The following VMAC variants were observed in gnomAD, a reference collection of about 807,000 sequenced individuals.
VMAC encodes the protein vimentin-type intermediate filament-associated coiled-coil protein.
Under a neutral mutation model 4.8 loss-of-function variants are expected in VMAC, and 8 were observed. That is an observed-to-expected ratio of 1.68 (90% confidence interval 0.99 to 3.03). The LOEUF (loss-of-function observed/expected upper bound fraction) is 3.03, where lower values mean the gene tolerates loss of function less well. Among genes scored for constraint, VMAC ranks in the 30% most tolerant of loss-of-function variants. The pLI, the probability that VMAC is intolerant of heterozygous loss-of-function variation, is 0.00. For synonymous variants in VMAC, 96 were observed against 113.7 expected, an observed-to-expected ratio of 0.84 and a Z score of 0.99; for missense variants, 248 against 245.1, an observed-to-expected ratio of 1.01 and a Z score of -0.08.
At position 5,909,454 on chromosome 19, in the gene VMAC, CTT is replaced by C. The variant is rs1439140659; in HGVS notation, c.*314_*315del. On this transcript the variant is annotated 3_prime_UTR_variant, in exon 2 of 2. Coordinates refer to ENST00000339485, the MANE Select transcript of VMAC (RefSeq NM_001017921.4). ...GCTTGCCTGGAGTTCAGGGCACCCT[CTT>C]TAGCCAGGGTGTGAGTTTCTGTTTT... 1 of 324,050 alleles carries C rather than the reference CTT, an allele frequency of 3.1e-6. No individual in the cohort carries two copies. Among genetic ancestry groups the C allele is most frequent in the African/African-American group, 2.2e-5 (1 of 45,284 alleles). The allele number at this position is 324,050 out of a possible 1,614,324, so 20.1% of individuals were successfully genotyped here.
intron 1 of VMAC, among the ~76,000 whole-genome samples, chr19:5,906,171 T>C (rs993557180): frequency 7.2e-5 from 11 of 151,890 alleles, no homozygotes; most frequent in African/African-American, 1.7e-4. Flanking sequence ...GGTCAGACTA[T>C]GTTGCCTAGG....
At chr19:5,906,033 G>A (rs2057677901) in intron 1 of VMAC, among the ~76,000 whole-genome samples, 1 of 151,938 alleles carries the variant, frequency 6.6e-6, no homozygotes, top group African/African-American at 2.4e-5. Context: ...TGCCCAGGCT[G>A]GAATGCAGTG....
Position 5,909,987 on chromosome 19 carries a change from C to T in VMAC, c.*845C>T, listed in dbSNP as rs1191988880. 1 of 112,308 alleles carries T rather than the reference C, an allele frequency of 8.9e-6. No homozygotes were observed. Among genetic ancestry groups the T allele is most frequent in the Non-Finnish European group, 1.9e-5 (1 of 53,080 alleles). The allele number at this position is 112,308 out of a possible 1,614,324, so 7.0% of individuals were successfully genotyped here. A position where few individuals can be genotyped will look rare whatever the true frequency, so the allele number is the denominator to read the frequency against. ...CACCCTGGCCTGGTCGGCAGCCATT[C>T]CCCTACCTCCTCACTCAGGAACTGT... On this transcript the variant is annotated 3_prime_UTR_variant, in exon 2 of 2. Coordinates refer to ENST00000339485, the MANE Select transcript of VMAC (RefSeq NM_001017921.4).
rs938760479 is a variant in VMAC, at chr19:5,908,765, G to T, written c.192-59G>T. 6.3e-6 allele frequency: 10 copies of T among 1,582,286 alleles called. No homozygotes were observed. The African/African-American group carries it at 9.5e-5, about 15-fold the overall frequency. On this transcript the variant is annotated intron_variant, in intron 1 of 1. Transcript: ENST00000339485. This position sits in a 1 kb window ranked among gnomAD's most constrained non-coding sequence, Gnocchi z 4.5. The stretch of plus-strand genomic sequence containing the variant: ...GGAACCTCTTGCGGGTCCAGAGCAG[G>T]GAGGAGCAGGTGCTGTGGTCCTCAG...
In VMAC at chr19:5,904,952, GGC is replaced by G; in HGVS notation, c.67_68del (p.Ala23SerfsTer42). 6.8e-7 allele frequency: 1 copy of G among 1,480,150 alleles called. No individual in the cohort carries two copies. The allele number at this position is 1,480,150 out of a possible 1,614,324, so 91.7% of individuals were successfully genotyped here. Reference sequence around the variant, plus strand: ...AACGCACACCTGGCAGCCGTGCACCGGCGCGCAGCGGAGCTGGAGGCGCGGCT... The same window carrying G: ...AACGCACACCTGGCAGCCGTGCACCGGCGCAGCGGAGCTGGAGGCGCGGCT... On this transcript the variant is annotated frameshift_variant, in exon 1 of 2. Coordinates refer to ENST00000339485, the MANE Select transcript of VMAC (RefSeq NM_001017921.4). LOFTEE classifies it high-confidence loss of function.
In VMAC at chr19:5,908,935, T is replaced by A; in HGVS notation, c.303T>A (p.Ala101=). ...DELIRQLQPR[A]ELLQDICRRR... is the part of the protein sequence containing the mutation. ...TCATTAGGCAGTTGCAGCCCCGGGC[T>A]GAGCTGCTGCAGGACATCTGCCGCC... The change falls in exon 2 of 2, where the codon GCT becomes GCA. Residue 101 remains alanine, a synonymous_variant. Transcript: ENST00000339485. This position sits in a 1 kb window ranked among gnomAD's most constrained non-coding sequence, Gnocchi z 4.5. The A allele has an allele frequency of 1.2e-6, 2 of 1,613,496 alleles. No homozygotes were observed. Among genetic ancestry groups the A allele is most frequent in the Non-Finnish European group, 1.7e-6 (2 of 1,179,760 alleles).
chr19:5,907,866 A>G (rs1181545772), intron 1 of VMAC, among the ~76,000 whole-genome samples: 1 of 151,978 alleles, frequency 6.6e-6, no homozygotes, highest in Admixed American at 6.6e-5. Context: ...TGCCCTATAA[A>G]GAGGTTCCTT....
chr19:5,908,784 T>G lies in VMAC; in HGVS notation c.192-40T>G, dbSNP rs2057687747. On this transcript the variant is annotated intron_variant, in intron 1 of 1. Transcript: ENST00000339485. The surrounding 1 kb of genome is among the most constrained non-coding windows in gnomAD (Gnocchi z 4.5). ...GAGCAGGGAGGAGCAGGTGCTGTGGTCCTCAGTTCTGTAATCACCTCCTCT... is the reference window on the plus strand; with the variant it reads ...GAGCAGGGAGGAGCAGGTGCTGTGGGCCTCAGTTCTGTAATCACCTCCTCT... The G allele has an allele frequency of 6.2e-7, 1 of 1,604,618 alleles. No individual in the cohort carries two copies. Among genetic ancestry groups the G allele is most frequent in the Admixed American group, 1.7e-5 (1 of 57,724 alleles).
intron 1 of VMAC, among the ~76,000 whole-genome samples, chr19:5,906,570 T>C (rs1004192624): frequency 1.3e-5 from 2 of 152,072 alleles, no homozygotes; most frequent in Admixed American, 6.6e-5. Context: ...AGTTACATCA[T>C]TGGTGGCCAG....
chr19:5,905,950 C>A (rs1193098687), intron 1 of VMAC, among the ~76,000 whole-genome samples: 1 of 151,904 alleles, frequency 6.6e-6, no homozygotes, highest in Non-Finnish European at 1.5e-5. Flanking sequence ...CCACCTCACC[C>A]TTCCAAAGTG....
intron 1 of VMAC, among the ~76,000 whole-genome samples, chr19:5,907,734 C>T (rs1382060756): frequency 2.7e-5 from 4 of 150,284 alleles, no homozygotes; most frequent in South Asian, 2.1e-4. Flanking sequence ...TGCAGTGAGC[C>T]GAGATCACAC....
chr19:5,906,686 G>A (rs1489990693), intron 1 of VMAC, among the ~76,000 whole-genome samples: 1 of 152,180 alleles, frequency 6.6e-6, no homozygotes, highest in African/African-American at 2.4e-5. Context: ...GGAAAGGAAC[G>A]AACTGCAGGA....
rs936574310 is a variant in VMAC, at chr19:5,908,115, G to A, written c.192-709G>A. ...TCCCAGTACTTTGGGAGGCCAAGGC[G>A]GGTGGATCACTTGAGGTCAGGAGTT... On this transcript the variant is annotated intron_variant, in intron 1 of 1. Coordinates refer to ENST00000339485, the MANE Select transcript of VMAC (RefSeq NM_001017921.4). The surrounding 1 kb of genome is among the most constrained non-coding windows in gnomAD (Gnocchi z 4.5). 1.3e-5 allele frequency among the ~76,000 whole-genome samples: 2 copies of A among 152,200 alleles called. No homozygotes were observed. Among genetic ancestry groups the A allele is most frequent in the Admixed American group, 6.5e-5 (1 of 15,272 alleles).
chr19:5,906,240 G>T (rs2057678676), intron 1 of VMAC, among the ~76,000 whole-genome samples: 1 of 152,226 alleles, frequency 6.6e-6, no homozygotes, highest in African/African-American at 2.4e-5. Flanking sequence ...GAAGTGCTGG[G>T]ATTATAGGCA....
intron 1 of VMAC, among the ~76,000 whole-genome samples, 156 bp downstream of exon 1, chr19:5,905,237 G>C (rs2057674342): frequency 1.3e-5 from 2 of 152,332 alleles, no homozygotes; most frequent in South Asian, 4.1e-4. Context: ...ACTCGAATTA[G>C]TAATCAGTAT....
rs1468224984 is a variant in VMAC, at chr19:5,909,017, C to T, written c.385C>T (p.Pro129Ser). The change falls in exon 2 of 2, where the codon CCC (proline) becomes TCC (serine). Residue 129 changes from proline (P) to serine (S), a missense_variant. Coordinates refer to ENST00000339485, the MANE Select transcript of VMAC (RefSeq NM_001017921.4). ...DALAEAERLG[P>S]LPASDPGHPP... ...CCTGGCTGAGGCTGAGCGCCTGGGG[C>T]CCCTGCCGGCCAGTGACCCCGGCCA... 9.4e-6 allele frequency: 15 copies of T among 1,589,060 alleles called. No individual in the cohort carries two copies. The highest frequency in any genetic ancestry group is 1.2e-5 in the Non-Finnish European group (14 of 1,168,574).
At position 5,908,708 on chromosome 19, in the gene VMAC, G is replaced by A; in HGVS notation, c.192-116G>A. On this transcript the variant is annotated intron_variant, in intron 1 of 1. Transcript: ENST00000339485. This position sits in a 1 kb window ranked among gnomAD's most constrained non-coding sequence, Gnocchi z 4.5. ...CCAGGGAGGACCCTGAGGCAGTGGT[G>A]AGGAATGCGGGCTTTATCCCAAAGG... The A allele has an allele frequency of 2.2e-6, 2 of 900,370 alleles. No homozygotes were observed. Among genetic ancestry groups the A allele is most frequent in the Non-Finnish European group, 3.5e-6 (2 of 576,406 alleles). 55.8% of individuals were successfully genotyped at this position (900,370 alleles called of 1,614,324 possible).
chr19:5,909,228 T>C lies in VMAC; in HGVS notation c.*86T>C. On this transcript the variant is annotated 3_prime_UTR_variant, in exon 2 of 2. Coordinates refer to ENST00000339485, the MANE Select transcript of VMAC (RefSeq NM_001017921.4). ...TCACCAGCACCCTGCAGGGGGACCC[T>C]ACGGCAGAGCCAAAGTCCTGTCTAA... The C allele has an allele frequency of 7.0e-7, 1 of 1,426,520 alleles. No individual in the cohort carries two copies. Among genetic ancestry groups the C allele is most frequent in the African/African-American group, 1.4e-5 (1 of 69,100 alleles). 88.4% of individuals were successfully genotyped at this position (1,426,520 alleles called of 1,614,324 possible). A position where few individuals can be genotyped will look rare whatever the true frequency, so the allele number is the denominator to read the frequency against.
chr19:5,906,962 A>G (rs751708875), intron 1 of VMAC, among the ~76,000 whole-genome samples: 4 of 152,202 alleles, frequency 2.6e-5, no homozygotes, highest in African/African-American at 4.8e-5. Flanking sequence ...AGGAGGCGGA[A>G]GTTGCAGTGA....
Sources: allele counts gnomAD v4.1 joint callset (sites outside exome capture counted in the v4.1 genomes callset), GRCh38; gene constraint gnomAD v4.1.1; non-coding constraint Gnocchi (gnomAD v3.1); transcripts MANE v1.5; gene names NCBI Gene and HGNC (gene_info 2026-07-23, HGNC 2026-07-21).